The following ZNF638 variants were observed in gnomAD, a reference collection of about 807,000 sequenced individuals.
ZNF638 encodes zinc finger protein 638, also known as CTCL tumor antigen se33-1.
A neutral mutation model predicts 195.6 loss-of-function variants in ZNF638; 46 were observed. The observed-to-expected ratio is 0.24, with a 90% confidence interval of 0.19 to 0.30. The LOEUF is 0.30. Among genes scored for constraint, ZNF638 ranks in the 10% least tolerant of loss-of-function variants. ZNF638 has a pLI of 1.00. For missense variants in ZNF638, 2,440 were observed against 2,325.3 expected, an observed-to-expected ratio of 1.05 and a Z score of -1.01; for synonymous variants, 845 against 772.0, an observed-to-expected ratio of 1.09 and a Z score of -1.57.
intron 17 of ZNF638, 31 bp from the exon 18 acceptor site, chr2:71,405,570 C>A: frequency 7.1e-7 from 1 of 1,414,700 alleles, no homozygotes; most frequent in Non-Finnish European, 9.8e-7. Flanking sequence ...AGAGCTTATA[C>A]CATCAACCTT....
At chr2:71,340,846 G>C (rs991516195) in intron 1 of ZNF638, among the ~76,000 whole-genome samples, 1 of 152,132 alleles carries the variant, frequency 6.6e-6, no homozygotes, top group Non-Finnish European at 1.5e-5. Context: ...GTGTGAACTG[G>C]AATTCCTTTC....
Position 71,350,017 on chromosome 2 carries a change from C to T in ZNF638, c.1063C>T (p.Pro355Ser). 7.4e-6 allele frequency: 12 copies of T among 1,614,174 alleles called. No individual in the cohort carries two copies. The highest frequency in any genetic ancestry group is 9.3e-6 in the Non-Finnish European group (11 of 1,180,038). ...VSQQERIPHE[P>S]VINSSNVHVG... The stretch of plus-strand genomic sequence containing the variant: ...CCAGCAAGAGCGGATCCCACATGAA[C>T]CTGTGATTAATTCATCTAACGTACA... The change falls in exon 2 of 28, where the codon CCT becomes TCT. Residue 355 changes from proline (P) to serine (S), a missense_variant. Pro to Ser is a moderately conservative substitution (Grantham distance 74). This residue lies in a region of ZNF638 where 305 missense variants were observed against 283.6 expected (regional missense o/e 1.08). Coordinates refer to ENST00000264447, the MANE Select transcript of ZNF638 (RefSeq NM_014497.5).
intron 21 of ZNF638, 89 bp downstream of exon 21, chr2:71,418,728 GTGA>G: frequency 1.2e-6 from 1 of 858,932 alleles, no homozygotes; most frequent in South Asian, 2.4e-5. Flanking sequence ...CTCACATGTA[GTGA>G]AAAGTTCTTT....
intron 27 of ZNF638, 104 bp from the exon 28 acceptor site, chr2:71,434,638 G>T (rs1276955429): frequency 2.2e-6 from 2 of 918,164 alleles, no homozygotes; most frequent in South Asian, 3.2e-5. Flanking sequence ...ATAATATTTT[G>T]TAGGATCAGT....
chr2:71,341,948 A>C (rs773201830), intron 1 of ZNF638: 9 of 152,088 alleles, frequency 5.9e-5, no homozygotes, highest in Non-Finnish European at 1.0e-4. Context: ...TTGTGATATA[A>C]CCTAATTCTT....
At chr2:71,380,446 C>T (rs2079516213) in intron 9 of ZNF638, 67 bp from the exon 10 acceptor site, 2 of 1,408,226 alleles carry the variant, frequency 1.4e-6, no homozygotes, top group Non-Finnish European at 1.9e-6. Flanking sequence ...TTAAATATTA[C>T]ATTTTTAGGA....
intron 2 of ZNF638, 76 bp from the exon 3 acceptor site, chr2:71,355,643 G>T: frequency 7.0e-6 from 7 of 995,128 alleles, no homozygotes; most frequent in Non-Finnish European, 1.0e-5. Context: ...AATATTATTT[G>T]TCTTTTTTAA....
At chr2:71,350,311 C>A in intron 2 of ZNF638, 40 bp downstream of exon 2, 1 of 1,558,240 alleles carries the variant, frequency 6.4e-7, no homozygotes, top group Middle Eastern at 1.7e-4. Context: ...TAATGATGCT[C>A]AGCGCCAGTT....
chr2:71,396,044 C>G, intron 10 of ZNF638, 97 bp from the exon 11 acceptor site: 2 of 1,114,054 alleles, frequency 1.8e-6, no homozygotes. Flanking sequence ...CTGTTTCTTG[C>G]AGGGTTCTTT....
At chr2:71,376,968 A>C (rs530315385) in intron 8 of ZNF638, among the ~76,000 whole-genome samples, 2 of 152,272 alleles carry the variant, frequency 1.3e-5, no homozygotes, top group East Asian at 3.9e-4. Flanking sequence ...TCATACTTCG[A>C]AAGTTTTCTT....
At chr2:71,359,044 G>T (rs2079067261) in intron 3 of ZNF638, among the ~76,000 whole-genome samples, 1 of 152,036 alleles carries the variant, frequency 6.6e-6, no homozygotes, top group Admixed American at 6.6e-5. Flanking sequence ...ACTTTTATTT[G>T]CACTGGGAAA....
intron 1 of ZNF638, among the ~76,000 whole-genome samples, chr2:71,347,270 A>G (rs910769618): frequency 2.0e-5 from 3 of 152,226 alleles, no homozygotes; most frequent in African/African-American, 7.2e-5. Context: ...AATAAAGCTA[A>G]GAAATGAAGG....
At chr2:71,430,795 TC>T (rs967289021) in intron 25 of ZNF638, among the ~76,000 whole-genome samples, 1 of 152,234 alleles carries the variant, frequency 6.6e-6, no homozygotes, top group African/African-American at 2.4e-5. Context: ...GTCCCCAAGA[TC>T]ATAGTATGCA....
intron 2 of ZNF638, among the ~76,000 whole-genome samples, chr2:71,352,139 T>C (rs971800302): frequency 3.9e-5 from 6 of 151,936 alleles, no homozygotes; most frequent in Admixed American, 3.9e-4. Context: ...ATGGAGTAGG[T>C]TGAAGATGGG....
At chr2:71,356,401 G>A (rs1192606335) in intron 3 of ZNF638, among the ~76,000 whole-genome samples, 2 of 152,138 alleles carry the variant, frequency 1.3e-5, no homozygotes, top group Non-Finnish European at 2.9e-5. Context: ...GTCTTCCCTA[G>A]TACCATTAAA....
At chr2:71,373,835 C>G (rs2104319348) in intron 8 of ZNF638, 1 of 151,912 alleles carries the variant, frequency 6.6e-6, no homozygotes, top group Admixed American at 6.6e-5. Flanking sequence ...ATGTTCCCCT[C>G]TTTTTGAGAC....
chr2:71,369,036 A>G (rs918380755), intron 7 of ZNF638, among the ~76,000 whole-genome samples: 4 of 148,692 alleles, frequency 2.7e-5, no homozygotes, highest in Non-Finnish European at 6.0e-5. Context: ...TAAGCACAAC[A>G]TAAAATAGTT....
At chr2:71,352,304 C>G (rs900771903) in intron 2 of ZNF638, among the ~76,000 whole-genome samples, 6 of 151,930 alleles carry the variant, frequency 3.9e-5, no homozygotes, top group Non-Finnish European at 5.9e-5. Flanking sequence ...ATGGTGAAAT[C>G]CTGTCTCTAC....
intron 27 of ZNF638, chr2:71,433,514 C>A (rs1456986374): frequency 2.5e-6 from 1 of 405,534 alleles, no homozygotes; most frequent in East Asian, 4.2e-5. Context: ...TCACTAGTCT[C>A]ATATGACACT....
Sources: gnomAD v4.1 joint callset for allele counts (sites outside exome capture counted in the v4.1 genomes callset) on GRCh38, gnomAD v4.1.1 for gene constraint, gnomAD v4.1.1 regional missense constraint, MANE v1.5 for transcripts, NCBI Gene and HGNC (gene_info 2026-07-23, HGNC 2026-07-21) for gene names.